COL4A2: variants seen among roughly 807,000 people sequenced by gnomAD.
COL4A2 encodes collagen alpha-2(IV) chain.
COL4A2 carries 99 observed loss-of-function variants against 200.2 expected under a neutral mutation model. The observed-to-expected ratio is 0.49, with a 90% CI of 0.42 to 0.58. The LOEUF (loss-of-function observed/expected upper bound fraction) is 0.58, where lower values mean the gene tolerates loss of function less well. COL4A2 is among the 20% of genes least tolerant of loss of function. COL4A2 has a pLI of 0.00. For missense variants in COL4A2, 1,950 were observed against 2,314.1 expected, an observed-to-expected ratio of 0.84 and a Z score of 3.23; for synonymous variants, 897 against 900.6, an observed-to-expected ratio of 1.00 and a Z score of 0.07.
chr13:110,356,202 T>C (rs1342498453), intron 3 of COL4A2, among the ~76,000 whole-genome samples: 1 of 152,186 alleles, frequency 6.6e-6, no homozygotes, highest in Non-Finnish European at 1.5e-5. Flanking sequence ...CATTTCCCAC[T>C]GACTCACTTA....
chr13:110,462,271 T>A lies in COL4A2; in HGVS notation c.1670-7T>A. 1 of 1,614,234 alleles carries A rather than the reference T, an allele frequency of 6.2e-7. No homozygotes were observed. Among genetic ancestry groups the A allele is most frequent in the Non-Finnish European group, 8.5e-7 (1 of 1,180,040 alleles). On this transcript the variant is annotated splice_region_variant and splice_polypyrimidine_tract_variant and intron_variant, in intron 23 of 47. Coordinates refer to ENST00000360467, the MANE Select transcript of COL4A2 (RefSeq NM_001846.4). ...CTGGGCAGCTTCACATGCAAATCCC[T>A]TTCTAGGTGAGCGGGGACAGCCCGG...
intron 3 of COL4A2, among the ~76,000 whole-genome samples, chr13:110,321,241 C>T (rs1436958911): frequency 7.1e-6 from 1 of 141,056 alleles, no homozygotes; most frequent in Non-Finnish European, 1.5e-5. Context: ...CACACACACA[C>T]ATAGAGAGTG....
chr13:110,382,427 A>G (rs1014531424), intron 4 of COL4A2, among the ~76,000 whole-genome samples: 4 of 152,244 alleles, frequency 2.6e-5, no homozygotes, highest in Non-Finnish European at 5.9e-5. Flanking sequence ...TATGAATCAC[A>G]TAGCAGTAAA....
intron 4 of COL4A2, among the ~76,000 whole-genome samples, chr13:110,414,088 T>C (rs1208463180): frequency 2.6e-5 from 4 of 152,220 alleles, no homozygotes; most frequent in Non-Finnish European, 5.9e-5. Flanking sequence ...GGCAGGAGGA[T>C]GACTTGAGCC....
At chr13:110,407,197 T>G (rs1879605350) in intron 4 of COL4A2, among the ~76,000 whole-genome samples, 1 of 152,224 alleles carries the variant, frequency 6.6e-6, no homozygotes, top group Non-Finnish European at 1.5e-5. Context: ...AGGGCAGCAC[T>G]GCGCCCCTCG....
chr13:110,490,849 T>C (rs1883262540), intron 36 of COL4A2, among the ~76,000 whole-genome samples: 3 of 152,294 alleles, frequency 2.0e-5, no homozygotes, highest in Admixed American at 2.0e-4. Context: ...CCTTTGAACA[T>C]TTTGGTTTTT....
chr13:110,361,523 A>C (rs1007056536), intron 4 of COL4A2, among the ~76,000 whole-genome samples: 1 of 152,180 alleles, frequency 6.6e-6, no homozygotes, highest in African/African-American at 2.4e-5. Flanking sequence ...ACCCCAGTTC[A>C]TCTGTGCGTC....
Position 110,465,398 on chromosome 13 carries a change from C to CTTTCTT in COL4A2, c.1777-7_1777-6insTTTCTT, listed in dbSNP as rs1566549437. ...TATTTTAAGAAATAAACTGAATTTT[C>CTTTCTT]ACACAGGGTGATGGCATCAAGGGCC... On this transcript the variant is annotated splice_region_variant and splice_polypyrimidine_tract_variant and intron_variant, in intron 24 of 47. Coordinates refer to ENST00000360467, the MANE Select transcript of COL4A2 (RefSeq NM_001846.4). 1.3e-6 allele frequency: 2 copies of CTTTCTT among 1,579,302 alleles called. No homozygotes were observed. The highest frequency in any genetic ancestry group is 2.3e-5 in the South Asian group (2 of 85,570).
rs117303969 is a variant in COL4A2, at chr13:110,391,057, C to T, written c.180+33505C>T. Among the ~76,000 whole-genome samples the T allele has an allele frequency of 9.0e-3, 1,370 of 152,264 alleles. 16 individuals are homozygous for T. The highest frequency in any genetic ancestry group is 0.061 in the Middle Eastern group (18 of 294). ...ACTTGGAGGTTAAGACTTCTTTTTA[C>T]GATACTCCCTCATTCATGAAAAAAT... On this transcript the variant is annotated intron_variant, in intron 4 of 47. Transcript: ENST00000360467.
At chr13:110,415,769 C>A (rs924876264) in intron 4 of COL4A2, among the ~76,000 whole-genome samples, 2 of 152,256 alleles carry the variant, frequency 1.3e-5, no homozygotes, top group Non-Finnish European at 2.9e-5. Context: ...GGGAGCCCGC[C>A]TTTGGAAGGC....
At chr13:110,403,036 G>T (rs1171810525) in intron 4 of COL4A2, among the ~76,000 whole-genome samples, 1 of 152,120 alleles carries the variant, frequency 6.6e-6, no homozygotes, top group Admixed American at 6.5e-5. Context: ...CTGGCCCCAG[G>T]GTCCTGGCAT....
intron 3 of COL4A2, among the ~76,000 whole-genome samples, chr13:110,330,161 T>C (rs1408452999): frequency 6.6e-6 from 1 of 152,224 alleles, no homozygotes; most frequent in Non-Finnish European, 1.5e-5. Context: ...TAACTGAGAA[T>C]GGACCTTGAT....
chr13:110,478,159 G>GT lies in COL4A2; in HGVS notation c.2583dup (p.Glu862Ter). On this transcript the variant is annotated frameshift_variant, in exon 30 of 48. Transcript: ENST00000360467. LOFTEE classifies it high-confidence loss of function. ...TTGGGGCTGCCAGGAATCCCAGGCC[G>GT]TGAAGGTAAGACCCCAGCCCTCCCA... 1 of 1,589,600 alleles carries GT rather than the reference G, an allele frequency of 6.3e-7. No homozygotes were observed. The highest frequency in any genetic ancestry group is 8.6e-7 in the Non-Finnish European group (1 of 1,167,592).
Position 110,503,264 on chromosome 13 carries a change from G to T in COL4A2, c.4021G>T (p.Gly1341Cys). ...GCCCCAGGGCAGGCCTGGTGTGTTT[G>T]GTCTCCCAGGAGAAAAAGGTAACAG... ...SGPQGRPGVF[G>C]LPGEKGPRGE... The change falls in exon 42 of 48, where the codon GGT (glycine) becomes TGT (cysteine). Residue 1341 changes from glycine (G) to cysteine (C), a missense_variant. Around this residue, in one of 2 missense-constraint regions of COL4A2, gnomAD observed 1,385 missense variants for 1,720.5 expected, o/e 0.80. Coordinates refer to ENST00000360467, the MANE Select transcript of COL4A2 (RefSeq NM_001846.4). 6.2e-7 allele frequency: 1 copy of T among 1,605,148 alleles called. No homozygotes were observed. The highest frequency in any genetic ancestry group is 2.2e-5 in the East Asian group (1 of 44,764).
chr13:110,385,228 C>T (rs1405525002), intron 4 of COL4A2, among the ~76,000 whole-genome samples: 1 of 151,788 alleles, frequency 6.6e-6, no homozygotes, highest in East Asian at 1.9e-4. Context: ...CACCACTGCA[C>T]TCCAGCCTGG....
chr13:110,369,678 G>T (rs555349193), intron 4 of COL4A2, among the ~76,000 whole-genome samples: 1 of 152,216 alleles, frequency 6.6e-6, no homozygotes, highest in South Asian at 2.1e-4. Context: ...GCTTTAACAC[G>T]TGCCGACTTC....
intron 3 of COL4A2, among the ~76,000 whole-genome samples, chr13:110,330,459 T>C (rs995734832): frequency 1.3e-5 from 2 of 152,216 alleles, no homozygotes; most frequent in Non-Finnish European, 2.9e-5. Context: ...GTCAGTCTGA[T>C]TGGGGCAAAT....
intron 3 of COL4A2, 42 bp downstream of exon 3, chr13:110,308,165 T>C: frequency 1.2e-6 from 2 of 1,610,190 alleles, no homozygotes; most frequent in African/African-American, 1.3e-5. Context: ...CGCCCGAGAG[T>C]GGTTGGGACG....
rs922523150 is a variant in COL4A2 at position 110,307,761 on chromosome 13, C to T, written c.-44-99C>T. ...TCCGGTCACCCCTGCATGCGGGCCGCGCACCGCGCTGTCCCCGCGTCTCGC... is the reference window on the plus strand; with the variant it reads ...TCCGGTCACCCCTGCATGCGGGCCGTGCACCGCGCTGTCCCCGCGTCTCGC... On this transcript the variant is annotated intron_variant, in intron 1 of 47. Coordinates refer to ENST00000360467, the MANE Select transcript of COL4A2 (RefSeq NM_001846.4). The surrounding 1 kb of genome is among the most constrained non-coding windows in gnomAD (Gnocchi z 5.0). The T allele has an allele frequency of 1.7e-6, 2 of 1,166,474 alleles. No homozygotes were observed. The highest frequency in any genetic ancestry group is 1.6e-5 in the African/African-American group (1 of 64,272). The allele number at this position is 1,166,474 out of a possible 1,614,324, so 72.3% of individuals were successfully genotyped here.
Sources: allele counts gnomAD v4.1 joint callset (sites outside exome capture counted in the v4.1 genomes callset), GRCh38; gene constraint gnomAD v4.1.1; regional missense constraint gnomAD v4.1.1; non-coding constraint Gnocchi (gnomAD v3.1); transcripts MANE v1.5; gene names NCBI Gene and HGNC (gene_info 2026-07-23, HGNC 2026-07-21).